Variants in PDS5A observed in about 807,000 individuals in gnomAD.
PDS5A encodes PDS5 cohesin associated factor A, also known as sister chromatid cohesion protein PDS5 homolog A.
PDS5A carries 42 observed loss-of-function variants against 167.1 expected under a neutral mutation model. That is an observed-to-expected ratio of 0.25 (90% CI 0.20 to 0.33). The LOEUF is 0.33. Among genes scored for constraint, PDS5A ranks in the 10% least tolerant of loss-of-function variants. The pLI, the probability that PDS5A is intolerant of heterozygous loss-of-function variation, is 1.00. For missense variants in PDS5A, 1,033 were observed against 1,605.9 expected, an observed-to-expected ratio of 0.64 and a Z score of 6.10; for synonymous variants, 553 against 554.6, an observed-to-expected ratio of 1.00 and a Z score of 0.04.
At chr4:39,842,937 A>ATATATATATATATATATATATATATT (rs1433177642) in intron 30 of PDS5A, among the ~76,000 whole-genome samples, 1 of 139,730 alleles carries the variant, frequency 7.2e-6, no homozygotes, top group African/African-American at 2.8e-5. Context: ...ATATATATAT[A>ATATATATATATATATATATATATATT]TTTTAAGAGA....
intron 21 of PDS5A, among the ~76,000 whole-genome samples, chr4:39,869,924 T>G (rs1188542845): frequency 6.6e-6 from 1 of 152,082 alleles, no homozygotes; most frequent in Admixed American, 6.6e-5. Context: ...CTGGCTAACA[T>G]GGCAAAACCC....
intron 26 of PDS5A, among the ~76,000 whole-genome samples, chr4:39,853,511 T>G (rs1718288109): frequency 6.6e-6 from 1 of 152,232 alleles, no homozygotes; most frequent in Non-Finnish European, 1.5e-5. Context: ...CACCTACCAG[T>G]AGACTCTGCT....
chr4:39,953,645 C>A (rs1206572057), intron 2 of PDS5A, among the ~76,000 whole-genome samples: 3 of 151,944 alleles, frequency 2.0e-5, no homozygotes, highest in African/African-American at 7.3e-5. Context: ...GCAGGAGGAT[C>A]GCTTGAGCTG....
rs545665073 is a variant in PDS5A at position 39,874,431 on chromosome 4, T to G, written c.2154-19A>C. ...TAAGGTCCTGCAAAAAATAATATAGTTGTTTTTTTTTCTTAAACCCATAAA... is the reference window on the plus strand; with the variant it reads ...TAAGGTCCTGCAAAAAATAATATAGGTGTTTTTTTTTCTTAAACCCATAAA... On this transcript the variant is annotated intron_variant, in intron 19 of 32. Transcript: ENST00000303538. 6.2e-7 allele frequency: 1 copy of G among 1,606,198 alleles called. No homozygotes were observed. The highest frequency in any genetic ancestry group is 1.3e-5 in the African/African-American group (1 of 74,608).
At chr4:39,946,893 T>C (rs1002607017) in intron 2 of PDS5A, among the ~76,000 whole-genome samples, 4 of 151,478 alleles carry the variant, frequency 2.6e-5, no homozygotes, top group Non-Finnish European at 5.9e-5. Flanking sequence ...AGCCTGGGCG[T>C]TGCAGCAAGA....
intron 2 of PDS5A, among the ~76,000 whole-genome samples, chr4:39,944,911 C>T (rs1027657565): frequency 2.6e-5 from 4 of 151,974 alleles, no homozygotes; most frequent in Admixed American, 2.6e-4. Flanking sequence ...TTCTTTACAG[C>T]TCAAACTGTT....
intron 12 of PDS5A, among the ~76,000 whole-genome samples, chr4:39,903,040 A>AGGGTGCTAGGCT (rs1723012355): frequency 6.7e-6 from 1 of 150,320 alleles, no homozygotes; most frequent in Non-Finnish European, 1.5e-5. Flanking sequence ...TCCTAAACAC[A>AGGGTGCTAGGCT]GGGTGCTAGG....
At chr4:39,858,530 G>GT in intron 26 of PDS5A, among the ~76,000 whole-genome samples, 1 of 152,162 alleles carries the variant, frequency 6.6e-6, no homozygotes, top group Non-Finnish European at 1.5e-5. Context: ...GAATCTGAAT[G>GT]TTTACCTTAT....
In PDS5A at chr4:39,890,272, C is replaced by A. The variant is rs756875993; in HGVS notation, c.1863G>T (p.Val621=). 25 of 1,563,360 alleles carry A rather than the reference C, an allele frequency of 1.6e-5. No individual in the cohort carries two copies. The highest frequency in any genetic ancestry group is 2.2e-5 in the Non-Finnish European group (25 of 1,148,354). Reference sequence around the variant, plus strand: ...ACCTTATGGCTTCTGAATCAATGTGCACAGGTGCGATTCTTTCCAACAGAA... The same window carrying A: ...ACCTTATGGCTTCTGAATCAATGTGAACAGGTGCGATTCTTTCCAACAGAA... ...VKFLLERIAP[V]HIDSEAISAL... is the part of the protein sequence containing the mutation. The change falls in exon 17 of 33, where the codon GTG becomes GTT. Residue 621 remains valine, a synonymous_variant. Coordinates refer to ENST00000303538, the MANE Select transcript of PDS5A (RefSeq NM_001100399.2).
At chr4:39,865,118 T>C (rs1202585641) in intron 23 of PDS5A, among the ~76,000 whole-genome samples, 1 of 152,184 alleles carries the variant, frequency 6.6e-6, no homozygotes, top group East Asian at 1.9e-4. Flanking sequence ...TGAGGAATGA[T>C]TGCTTATAAC....
At chr4:39,895,199 C>CAAAAA (rs34303340) in intron 16 of PDS5A, among the ~76,000 whole-genome samples, 1 of 93,418 alleles carries the variant, frequency 1.1e-5, no homozygotes, top group African/African-American at 3.9e-5. Context: ...GACTCCGTCT[C>CAAAAA]AAAAAAAAAA....
Position 39,977,156 on chromosome 4 carries a change from CCT to C in PDS5A, c.-41+299_-41+300del, listed in dbSNP as rs772430725. Among the ~76,000 whole-genome samples, 2 of 152,162 alleles carry C rather than the reference CCT, an allele frequency of 1.3e-5. No individual in the cohort carries two copies. Among genetic ancestry groups the C allele is most frequent in the African/African-American group, 2.4e-5 (1 of 41,458 alleles). Reference sequence around the variant, plus strand: ...GTCCCCGCCGCGCTGCCACCCCTCCCCTGTTCCGCTCCCTCACCCCCGCGGGA... The same window carrying C: ...GTCCCCGCCGCGCTGCCACCCCTCCCGTTCCGCTCCCTCACCCCCGCGGGA... On this transcript the variant is annotated intron_variant, in intron 1 of 32. Coordinates refer to ENST00000303538, the MANE Select transcript of PDS5A (RefSeq NM_001100399.2). The surrounding 1 kb of genome is among the most constrained non-coding windows in gnomAD (Gnocchi z 4.2).
chr4:39,943,649 A>G (rs866678574), intron 2 of PDS5A, among the ~76,000 whole-genome samples: 1 of 151,206 alleles, frequency 6.6e-6, no homozygotes, highest in Non-Finnish European at 1.5e-5. Flanking sequence ...AATACAAAAA[A>G]TACAAAAATT....
At chr4:39,903,566 TA>T (rs1342685422) in intron 12 of PDS5A, among the ~76,000 whole-genome samples, 1 of 152,242 alleles carries the variant, frequency 6.6e-6, no homozygotes, top group African/African-American at 2.4e-5. Context: ...GGTAGTGGTG[TA>T]AAAAGGAAAG....
chr4:39,869,495 A>G, intron 21 of PDS5A, 33 bp from the exon 22 acceptor site: 4 of 1,322,260 alleles, frequency 3.0e-6, no homozygotes, highest in South Asian at 1.2e-5. Context: ...AGCTATTAGC[A>G]TGAAAAAAAA....
At position 39,876,973 on chromosome 4, in the gene PDS5A, G is replaced by A. The variant is rs376258435; in HGVS notation, c.2153+20C>T. On this transcript the variant is annotated intron_variant, in intron 19 of 32. Transcript: ENST00000303538. ...ACTTAGAAACTTTTGTATTTACCAC[G>A]GGAGAAAAAATGTACTCACGATCGT... 1.5e-5 allele frequency: 23 copies of A among 1,580,128 alleles called. 1 individual carries two copies. The highest frequency in any genetic ancestry group is 1.4e-4 in the South Asian group (12 of 87,482).
Position 39,922,605 on chromosome 4 carries a change from C to T in PDS5A, c.654+17G>A. The T allele has an allele frequency of 2.0e-6, 3 of 1,535,260 alleles. No individual in the cohort carries two copies. The highest frequency in any genetic ancestry group is 2.6e-6 in the Non-Finnish European group (3 of 1,141,254). ...ACTGTTAAACATTAACCTTGAATAT[C>T]TTCATACTTTACAGACCTTATGTGC... On this transcript the variant is annotated intron_variant, in intron 6 of 32. Coordinates refer to ENST00000303538, the MANE Select transcript of PDS5A (RefSeq NM_001100399.2).
chr4:39,836,741 G>C (rs1389292457), intron 32 of PDS5A, among the ~76,000 whole-genome samples: 1 of 150,218 alleles, frequency 6.7e-6, no homozygotes, highest in Non-Finnish European at 1.5e-5. Flanking sequence ...TGGGATTACA[G>C]GCGAGAGTCA....
chr4:39,973,494 T>G, intron 2 of PDS5A: 2 of 1,336,484 alleles, frequency 1.5e-6, no homozygotes. Context: ...ATGATAGTAT[T>G]GATGATGAAC....
Sources: allele counts gnomAD v4.1 joint callset (sites outside exome capture counted in the v4.1 genomes callset), GRCh38; gene constraint gnomAD v4.1.1; non-coding constraint Gnocchi (gnomAD v3.1); transcripts MANE v1.5; gene names NCBI Gene and HGNC (gene_info 2026-07-23, HGNC 2026-07-21).